Variants in IRX3 observed in about 807,000 individuals in gnomAD.
IRX3 encodes iroquois-class homeodomain protein IRX-3.
A neutral mutation model predicts 36.4 loss-of-function variants in IRX3; 20 were observed. The observed-to-expected ratio is 0.55, with a 90% CI of 0.39 to 0.80. IRX3 has a LOEUF of 0.80. Among genes scored for constraint, IRX3 ranks in the 30% least tolerant of loss-of-function variants. The pLI, the probability that IRX3 is intolerant of heterozygous loss-of-function variation, is 0.00. For missense variants in IRX3, 718 were observed against 733.2 expected, an observed-to-expected ratio of 0.98 and a Z score of 0.24; for synonymous variants, 404 against 351.6, an observed-to-expected ratio of 1.15 and a Z score of -1.67.
Position 54,285,557 on chromosome 16 carries a change from G to A in IRX3, c.324C>T (p.Ala108=). ...AGGCGGGGTGCGGGTGCGGAAACGCGGCAGCCGCGGCCGGATGCTGCACCC... is the reference window on the plus strand; with the variant it reads ...AGGCGGGGTGCGGGTGCGGAAACGCAGCAGCCGCGGCCGGATGCTGCACCC... ...SPGVQHPAAA[A]AFPHPHPAFY... The change falls in exon 2 of 4, where the codon GCC becomes GCT. Residue 108 remains alanine (A), a synonymous_variant. Transcript: ENST00000329734. This position sits in a 1 kb window ranked among gnomAD's most constrained non-coding sequence, Gnocchi z 5.7. 1 of 1,597,102 alleles carries A rather than the reference G, an allele frequency of 6.3e-7. No homozygotes were observed. Among genetic ancestry groups the A allele is most frequent in the Non-Finnish European group, 8.5e-7 (1 of 1,171,290 alleles).
chr16:54,286,362 C>G lies in IRX3; in HGVS notation c.-312G>C, dbSNP rs1901342634. 5 of 987,528 alleles carry G rather than the reference C, an allele frequency of 5.1e-6. No homozygotes were observed. Among genetic ancestry groups the G allele is most frequent in the South Asian group, 4.7e-5 (1 of 21,330 alleles). The allele number at this position is 987,528 out of a possible 1,614,324, so 61.2% of individuals were successfully genotyped here. On this transcript the variant is annotated 5_prime_UTR_variant, in exon 1 of 4. Transcript: ENST00000329734. ...CGCCGCGCTCCCTCCTCTCGGCCGC[C>G]GGAGCTGCCTCTGCCCGCTCCTCGC...
rs770879557 is a variant in IRX3, at chr16:54,285,831, C to G, written c.220G>C (p.Gly74Arg). 1.5e-4 allele frequency: 232 copies of G among 1,563,940 alleles called. No individual in the cohort carries two copies. The highest frequency in any genetic ancestry group is 1.9e-4 in the Non-Finnish European group (224 of 1,159,132). ...AAAAAAAQGY[G>R]AFLPYAAELP... ...TCCGCGGCGTAGGGCAGGAAGGCGC[C>G]GTAGCCTTGGGCGGCGGCGGCCGCA... Residue 74 changes from glycine (G) to arginine (R), a missense_variant, in exon 1 of 4, where the codon GGC (glycine) becomes CGC (arginine). Transcript: ENST00000329734. The surrounding 1 kb of genome is among the most constrained non-coding windows in gnomAD (Gnocchi z 5.7).
Position 54,284,516 on chromosome 16 carries a change from C to G in IRX3, c.1365G>C (p.Ala455=). 3.5e-6 allele frequency: 5 copies of G among 1,409,598 alleles called. No homozygotes were observed. Among genetic ancestry groups the G allele is most frequent in the Non-Finnish European group, 4.6e-6 (5 of 1,093,310 alleles). 87.3% of individuals were successfully genotyped at this position (1,409,598 alleles called of 1,614,324 possible). The change falls in exon 2 of 4, where the codon GCG becomes GCC. Residue 455 remains alanine, a synonymous_variant. Transcript: ENST00000329734. This position sits in a 1 kb window ranked among gnomAD's most constrained non-coding sequence, Gnocchi z 4.0. ...PAAAAAFARP[A]EPEGGTDRCS... ...AGTCACCTGTTCCGCCTTCGGGCTC[C>G]GCTGGCCGAGCGAAGGCGGCGGCGG...
In IRX3 at chr16:54,285,954, G is replaced by A; in HGVS notation, c.97C>T (p.Arg33Trp). The A allele has an allele frequency of 7.0e-7, 1 of 1,422,810 alleles. No homozygotes were observed. 88.1% of individuals were successfully genotyped at this position (1,422,810 alleles called of 1,614,324 possible). Residue 33 changes from arginine (R) to tryptophan (W), a missense_variant, in exon 1 of 4, where the codon CGG becomes TGG. Transcript: ENST00000329734. The surrounding 1 kb of genome is among the most constrained non-coding windows in gnomAD (Gnocchi z 5.7). The part of the protein sequence containing the change: ...AGGSGGSAGA[R>W]GGLGAGASEL... ...GAGGCTCCGGCACCCAGGCCGCCCC[G>A]GGCCCCCGCGCTGCCGCCGCTGCCG...
chr16:54,286,557 ACT>A lies in IRX3; in HGVS notation c.-509_-508del, dbSNP rs1901348469. 1 of 186,704 alleles carries A rather than the reference ACT, an allele frequency of 5.4e-6. No individual in the cohort carries two copies. The highest frequency in any genetic ancestry group is 2.5e-5 in the African/African-American group (1 of 39,452). The allele number at this position is 186,704 out of a possible 1,614,324, so 11.6% of individuals were successfully genotyped here. On this transcript the variant is annotated 5_prime_UTR_variant, in exon 1 of 4. Transcript: ENST00000329734. Reference sequence around the variant, plus strand: ...CCTGCACTGCCCTGGACGCTATGAAACTCTCCTTTCTCCTCTCCCCTTCTCTT... The same window carrying A: ...CCTGCACTGCCCTGGACGCTATGAAACTCCTTTCTCCTCTCCCCTTCTCTT...
At position 54,285,797 on chromosome 16, in the gene IRX3, A is replaced by C. The variant is rs1342489320; in HGVS notation, c.254T>G (p.Ile85Ser). 2 of 1,558,422 alleles carry C rather than the reference A, an allele frequency of 1.3e-6. No individual in the cohort carries two copies. The highest frequency in any genetic ancestry group is 4.0e-5 in the Admixed American group (2 of 50,476). The change falls in exon 1 of 4, where the codon ATC (isoleucine) becomes AGC (serine). Residue 85 changes from isoleucine (I) to serine (S), a missense_variant. By Grantham distance (142) the Ile-to-Ser change is moderately radical. Coordinates refer to ENST00000329734, the MANE Select transcript of IRX3 (RefSeq NM_024336.3). This position sits in a 1 kb window ranked among gnomAD's most constrained non-coding sequence, Gnocchi z 5.7. ...AFLPYAAELP[I>S]FPQLGAQYEL... ...GCGGGCTCTTACCAGCTGCGGGAAG[A>C]TGGGCAGCTCCGCGGCGTAGGGCAG...
rs778269155 is a variant in IRX3, at chr16:54,283,671, GTTTTTTTT to G, written c.*7_*14del. 3 of 1,208,696 alleles carry G rather than the reference GTTTTTTTT, an allele frequency of 2.5e-6. No homozygotes were observed. The South Asian group carries it at 3.8e-5, about 15-fold the overall frequency. 74.9% of individuals were successfully genotyped at this position (1,208,696 alleles called of 1,614,324 possible). A position where few individuals can be genotyped will look rare whatever the true frequency, so the allele number is the denominator to read the frequency against. ...TAAAAAAAGTTTTTTTTGTTTTTTT[GTTTTTTTT>G]AAAGAACTAGGATGAGGAGAGAGCC... On this transcript the variant is annotated 3_prime_UTR_variant, in exon 4 of 4. Coordinates refer to ENST00000329734, the MANE Select transcript of IRX3 (RefSeq NM_024336.3). The surrounding 1 kb of genome is among the most constrained non-coding windows in gnomAD (Gnocchi z 4.4).
rs551717246 is a variant in IRX3 at position 54,285,843 on chromosome 16, C to A, written c.208G>T (p.Ala70Ser). 2 of 1,551,940 alleles carry A rather than the reference C, an allele frequency of 1.3e-6. No homozygotes were observed. Among genetic ancestry groups the A allele is most frequent in the Non-Finnish European group, 1.7e-6 (2 of 1,152,548 alleles). The change falls in exon 1 of 4, where the codon GCC becomes TCC. Residue 70 changes from alanine to serine, a missense_variant. Coordinates refer to ENST00000329734, the MANE Select transcript of IRX3 (RefSeq NM_024336.3). The surrounding 1 kb of genome is among the most constrained non-coding windows in gnomAD (Gnocchi z 5.7). ...GGCAGGAAGGCGCCGTAGCCTTGGGCGGCGGCGGCCGCAGCGGCCGCGGCG... is the reference window on the plus strand; with the variant it reads ...GGCAGGAAGGCGCCGTAGCCTTGGGAGGCGGCGGCCGCAGCGGCCGCGGCG... ...PYAAAAAAAA[A>S]QGYGAFLPYA...
At position 54,283,792 on chromosome 16, in the gene IRX3, G is replaced by T. The variant is rs1485885470; in HGVS notation, c.1452-52C>A. On this transcript the variant is annotated intron_variant, in intron 3 of 3. Transcript: ENST00000329734. The surrounding 1 kb of genome is among the most constrained non-coding windows in gnomAD (Gnocchi z 4.4). Reference sequence around the variant, plus strand: ...AAGAGGTGAGATTCAGGAGCGCAGAGGCTGCCTAGGGCGGGGAGATCCTAC... The same window carrying T: ...AAGAGGTGAGATTCAGGAGCGCAGATGCTGCCTAGGGCGGGGAGATCCTAC... 10 of 1,601,986 alleles carry T rather than the reference G, an allele frequency of 6.2e-6. No individual in the cohort carries two copies. In the South Asian group the frequency reaches 1.1e-4, roughly 18 times the overall value.
Position 54,284,132 on chromosome 16 carries a change from C to T in IRX3, c.1451+114G>A. On this transcript the variant is annotated intron_variant, in intron 3 of 3. Transcript: ENST00000329734. This position sits in a 1 kb window ranked among gnomAD's most constrained non-coding sequence, Gnocchi z 4.0. ...GACTTTCGTCCCCTTTTACAAAATG[C>T]GTCCCAGCAGGGTTCCCCCCTACCC... 2.5e-6 allele frequency: 3 copies of T among 1,180,984 alleles called. No homozygotes were observed. Among genetic ancestry groups the T allele is most frequent in the Non-Finnish European group, 3.6e-6 (3 of 839,392 alleles). The allele number at this position is 1,180,984 out of a possible 1,614,324, so 73.2% of individuals were successfully genotyped here. A position where few individuals can be genotyped will look rare whatever the true frequency, so the allele number is the denominator to read the frequency against.
Position 54,285,598 on chromosome 16 carries a change from G to C in IRX3, c.283C>G (p.Leu95Val), listed in dbSNP as rs760939334. Residue 95 changes from leucine (L) to valine (V), a missense_variant, in exon 2 of 4, where the codon CTG becomes GTG. By Grantham distance (32) the Leu-to-Val change is conservative. Transcript: ENST00000329734. The surrounding 1 kb of genome is among the most constrained non-coding windows in gnomAD (Gnocchi z 5.7). ...TGCTGCACCCCGGGGCTGTCCTTCA[G>C]CTCATACTGCGCGCCCTGTACGCAC... ...IFPQLGAQYE[L>V]KDSPGVQHPA... The C allele has an allele frequency of 3.9e-5, 60 of 1,538,894 alleles. No individual in the cohort carries two copies. The highest frequency in any genetic ancestry group is 4.9e-5 in the Non-Finnish European group (56 of 1,142,218).
In IRX3 at chr16:54,286,383, C is replaced by T; in HGVS notation, c.-333G>A. 1 of 987,084 alleles carries T rather than the reference C, an allele frequency of 1.0e-6. No homozygotes were observed. The highest frequency in any genetic ancestry group is 1.2e-6 in the Non-Finnish European group (1 of 831,198). 61.1% of individuals were successfully genotyped at this position (987,084 alleles called of 1,614,324 possible). The stretch of plus-strand genomic sequence containing the variant: ...CCGCCGGAGCTGCCTCTGCCCGCTC[C>T]TCGCTCCTCACTGCCCTCCTCTCCC... On this transcript the variant is annotated 5_prime_UTR_variant, in exon 1 of 4. Coordinates refer to ENST00000329734, the MANE Select transcript of IRX3 (RefSeq NM_024336.3).
chr16:54,285,807 C>T lies in IRX3; in HGVS notation c.244G>A (p.Glu82Lys). The T allele has an allele frequency of 6.4e-7, 1 of 1,563,736 alleles. No individual in the cohort carries two copies. The highest frequency in any genetic ancestry group is 8.6e-7 in the Non-Finnish European group (1 of 1,161,354). ...GYGAFLPYAA[E>K]LPIFPQLGAQ... ...ACCAGCTGCGGGAAGATGGGCAGCT[C>T]CGCGGCGTAGGGCAGGAAGGCGCCG... is the stretch of plus-strand genomic sequence containing the variant. The change falls in exon 1 of 4, where the codon GAG (glutamate) becomes AAG (lysine). Residue 82 changes from glutamate to lysine, a missense_variant. Around this residue, in one of 3 missense-constraint regions of IRX3, gnomAD observed 204 missense variants for 181.4 expected, o/e 1.12. Coordinates refer to ENST00000329734, the MANE Select transcript of IRX3 (RefSeq NM_024336.3). This position sits in a 1 kb window ranked among gnomAD's most constrained non-coding sequence, Gnocchi z 5.7.
rs1219014029 is a variant in IRX3, at chr16:54,284,838, T to C, written c.1043A>G (p.Lys348Arg). 4 of 1,534,724 alleles carry C rather than the reference T, an allele frequency of 2.6e-6. No homozygotes were observed. The Middle Eastern group carries it at 5.4e-4, about 207-fold the overall frequency. Residue 348 changes from lysine to arginine, a missense_variant, in exon 2 of 4, where the codon AAG becomes AGG. By Grantham distance (26) the Lys-to-Arg change is conservative. This residue lies in a region of IRX3 where 468 missense variants were observed against 462.1 expected (regional missense o/e 1.01). Transcript: ENST00000329734. This position sits in a 1 kb window ranked among gnomAD's most constrained non-coding sequence, Gnocchi z 4.0. Reference protein sequence around the residue: ...PAPASALQKPKIWSLAETATS... With the variant: ...PAPASALQKPRIWSLAETATS... ...GGCAGTCTCCGCGAGGGACCAGATC[T>C]TGGGCTTCTGCAGGGCGGAGGCGGG...
Position 54,284,990 on chromosome 16 carries a change from A to T in IRX3, c.891T>A (p.Ser297=). ...DSKNSDSEDS[S]EGLEDRPLPV... ...GTAGTGGCCGGTCCTCTAAGCCCTC[A>T]GAGCTATCTTCCGAGTCGCTATTTT... is the stretch of plus-strand genomic sequence containing the variant. Residue 297 remains serine, a synonymous_variant, in exon 2 of 4, where the codon TCT becomes TCA. Transcript: ENST00000329734. This position sits in a 1 kb window ranked among gnomAD's most constrained non-coding sequence, Gnocchi z 4.0. 1 of 1,613,350 alleles carries T rather than the reference A, an allele frequency of 6.2e-7. No homozygotes were observed. The highest frequency in any genetic ancestry group is 1.1e-5 in the South Asian group (1 of 91,026).
rs1464755318 is a variant in IRX3, at chr16:54,285,774, G to T, written c.267+10C>A. On this transcript the variant is annotated intron_variant, in intron 1 of 3. Transcript: ENST00000329734. The surrounding 1 kb of genome is among the most constrained non-coding windows in gnomAD (Gnocchi z 5.7). ...CCAACCCCTCCTTCCCTGGCTCCGC[G>T]GGCTCTTACCAGCTGCGGGAAGATG... 14 of 1,535,222 alleles carry T rather than the reference G, an allele frequency of 9.1e-6. No homozygotes were observed. Among genetic ancestry groups the T allele is most frequent in the Non-Finnish European group, 1.2e-5 (14 of 1,150,296 alleles).
In IRX3 at chr16:54,284,524, G is replaced by A. The variant is rs1312691315; in HGVS notation, c.1357C>T (p.Arg453Trp). The A allele has an allele frequency of 2.8e-6, 4 of 1,413,296 alleles. No homozygotes were observed. The highest frequency in any genetic ancestry group is 3.0e-5 in the East Asian group (1 of 32,982). The allele number at this position is 1,413,296 out of a possible 1,614,324, so 87.5% of individuals were successfully genotyped here. A position where few individuals can be genotyped will look rare whatever the true frequency, so the allele number is the denominator to read the frequency against. The change falls in exon 2 of 4, where the codon CGG (arginine) becomes TGG (tryptophan). Residue 453 changes from arginine to tryptophan, a missense_variant. By Grantham distance (101) the Arg-to-Trp change is moderately radical (BLOSUM62 -3). This residue lies in a region of IRX3 where 468 missense variants were observed against 462.1 expected (regional missense o/e 1.01). Transcript: ENST00000329734. This position sits in a 1 kb window ranked among gnomAD's most constrained non-coding sequence, Gnocchi z 4.0. ...GHPAAAAAFA[R>W]PAEPEGGTDR... is the part of the protein sequence containing the mutation. ...GTTCCGCCTTCGGGCTCCGCTGGCC[G>A]AGCGAAGGCGGCGGCGGCAGCCGGG...
At position 54,284,487 on chromosome 16, in the gene IRX3, C is replaced by G; in HGVS notation, c.1384+10G>C. 7.2e-7 allele frequency: 1 copy of G among 1,397,216 alleles called. No individual in the cohort carries two copies. The highest frequency in any genetic ancestry group is 9.2e-7 in the Non-Finnish European group (1 of 1,088,630). The allele number at this position is 1,397,216 out of a possible 1,614,324, so 86.6% of individuals were successfully genotyped here. Reference sequence around the variant, plus strand: ...CCGCCCCCGCTCCGCGCCCAGCGCTCAGCAGTCACCTGTTCCGCCTTCGGG... The same window carrying G: ...CCGCCCCCGCTCCGCGCCCAGCGCTGAGCAGTCACCTGTTCCGCCTTCGGG... On this transcript the variant is annotated intron_variant, in intron 2 of 3. Coordinates refer to ENST00000329734, the MANE Select transcript of IRX3 (RefSeq NM_024336.3). The surrounding 1 kb of genome is among the most constrained non-coding windows in gnomAD (Gnocchi z 4.0).
rs1901310743 is a variant in IRX3 at position 54,285,594 on chromosome 16, T to C, written c.287A>G (p.Lys96Arg). The C allele has an allele frequency of 2.6e-6, 4 of 1,549,730 alleles. No homozygotes were observed. The African/African-American group carries it at 4.1e-5, about 16-fold the overall frequency. The change falls in exon 2 of 4, where the codon AAG (lysine) becomes AGG (arginine). Residue 96 changes from lysine to arginine, a missense_variant. This residue lies in a region of IRX3 where 204 missense variants were observed against 181.4 expected (regional missense o/e 1.12). Coordinates refer to ENST00000329734, the MANE Select transcript of IRX3 (RefSeq NM_024336.3). The surrounding 1 kb of genome is among the most constrained non-coding windows in gnomAD (Gnocchi z 5.7). ...CGGATGCTGCACCCCGGGGCTGTCCTTCAGCTCATACTGCGCGCCCTGTAC... is the reference window on the plus strand; with the variant it reads ...CGGATGCTGCACCCCGGGGCTGTCCCTCAGCTCATACTGCGCGCCCTGTAC... The part of the protein sequence containing the change: ...FPQLGAQYEL[K>R]DSPGVQHPAA...
Sources: gnomAD v4.1 joint callset for allele counts on GRCh38, gnomAD v4.1.1 for gene constraint, gnomAD v4.1.1 regional missense constraint, Gnocchi (gnomAD v3.1) non-coding constraint, MANE v1.5 for transcripts, NCBI Gene and HGNC (gene_info 2026-07-23, HGNC 2026-07-21) for gene names.